DDX10: variants seen among roughly 807,000 people sequenced by gnomAD.
The protein encoded by DDX10 is probable ATP-dependent RNA helicase DDX10.
A neutral mutation model predicts 104.3 loss-of-function variants in DDX10; 74 were observed. The ratio of observed to expected loss-of-function variants is 0.71; its 90% CI spans 0.59 to 0.86. The LOEUF (loss-of-function observed/expected upper bound fraction) is 0.86. Among genes scored for constraint, DDX10 ranks in the 40% least tolerant of loss-of-function variants. The probability of loss-of-function intolerance (pLI) is 0.00; values close to 1 mark genes in which losing one functional copy is unlikely to be tolerated. For missense variants in DDX10, 952 were observed against 1,040.0 expected (o/e 0.92, Z 1.16); for synonymous variants, 351 against 353.4 (o/e 0.99, Z 0.08).
chr11:108,937,160 G>T (rs774315766), intron 17 of DDX10, among the ~76,000 whole-genome samples: 1 of 152,168 alleles, frequency 6.6e-6, no homozygotes, highest in East Asian at 1.9e-4. Flanking sequence ...AGCAAACACC[G>T]TGGAAATGCC....
intron 13 of DDX10, among the ~76,000 whole-genome samples, chr11:108,812,474 C>A (rs1299152218): frequency 6.6e-6 from 1 of 151,976 alleles, no homozygotes; most frequent in Non-Finnish European, 1.5e-5. Flanking sequence ...TCTGATCAAA[C>A]AATTAGATAT....
intron 1 of DDX10, 132 bp downstream of exon 1, chr11:108,665,471 G>C: frequency 9.5e-7 from 1 of 1,053,170 alleles, no homozygotes; most frequent in Non-Finnish European, 1.3e-6. Flanking sequence ...GTCACGCCGG[G>C]TGCCACAGCT....
intron 14 of DDX10, among the ~76,000 whole-genome samples, chr11:108,840,163 G>C (rs986658194): frequency 1.3e-5 from 2 of 152,088 alleles, no homozygotes; most frequent in East Asian, 3.8e-4. Flanking sequence ...CTGATCCCTC[G>C]CATTGCCTCT....
At chr11:108,763,246 T>G (rs1358808973) in intron 13 of DDX10, among the ~76,000 whole-genome samples, 1 of 152,152 alleles carries the variant, frequency 6.6e-6, no homozygotes, top group Admixed American at 6.5e-5. Context: ...TATTGAGAAG[T>G]TGATTGCTCC....
At chr11:108,788,437 A>G (rs1408839828) in intron 13 of DDX10, among the ~76,000 whole-genome samples, 2 of 151,528 alleles carry the variant, frequency 1.3e-5, no homozygotes, top group Admixed American at 6.6e-5. Flanking sequence ...ATCTCGGCTC[A>G]TTGCAAGCTC....
chr11:108,789,712 C>G (rs1198897155), intron 13 of DDX10, among the ~76,000 whole-genome samples: 1 of 152,158 alleles, frequency 6.6e-6, no homozygotes, highest in Admixed American at 6.5e-5. Flanking sequence ...ATGCTTTTCA[C>G]TGCAGGTAAC....
In DDX10 at chr11:108,754,028, T is replaced by A. The variant is rs148451403; in HGVS notation, c.1965+30566T>A. On this transcript the variant is annotated intron_variant, in intron 13 of 17. Transcript: ENST00000322536. ...TAATTTCCTGATTTATCTTTTGCAT[T>A]TAGTGTTGACATCACCTCATTCATT... Among the ~76,000 whole-genome samples, 327 of 152,122 alleles carry A rather than the reference T, an allele frequency of 2.1e-3. 2 individuals are homozygous for A. Among genetic ancestry groups the A allele is most frequent in the African/African-American group, 7.5e-3 (310 of 41,546 alleles).
chr11:108,682,459 C>T (rs1403498695), intron 6 of DDX10, among the ~76,000 whole-genome samples: 1 of 152,202 alleles, frequency 6.6e-6, no homozygotes, highest in Non-Finnish European at 1.5e-5. Context: ...TTTGAGTTAG[C>T]ATTTGCATGG....
chr11:108,879,325 T>C (rs140495259), intron 16 of DDX10, among the ~76,000 whole-genome samples: 44 of 152,292 alleles, frequency 2.9e-4, no homozygotes, highest in African/African-American at 1.1e-3. Flanking sequence ...TTCTAAACAT[T>C]TGGATTCATT....
At chr11:108,904,307 G>A (rs1863561227) in intron 16 of DDX10, among the ~76,000 whole-genome samples, 1 of 152,214 alleles carries the variant, frequency 6.6e-6, no homozygotes, top group Non-Finnish European at 1.5e-5. Context: ...CCATTCAGTG[G>A]TATCAAGGTG....
At chr11:108,729,642 A>G (rs2094309629) in intron 13 of DDX10, among the ~76,000 whole-genome samples, 1 of 151,884 alleles carries the variant, frequency 6.6e-6, no homozygotes, top group Non-Finnish European at 1.5e-5. Flanking sequence ...TTTGTACTTA[A>G]TAACTCACTT....
chr11:108,672,452 G>A (rs1446949622), intron 1 of DDX10, among the ~76,000 whole-genome samples: 2 of 152,194 alleles, frequency 1.3e-5, no homozygotes, highest in East Asian at 3.8e-4. Flanking sequence ...TTCTAATGCT[G>A]GTACACTGAT....
intron 16 of DDX10, among the ~76,000 whole-genome samples, chr11:108,882,769 G>A (rs1461894542): frequency 6.6e-6 from 1 of 152,158 alleles, no homozygotes; most frequent in African/African-American, 2.4e-5. Flanking sequence ...GTGCGTTTCA[G>A]TAATGTGCAA....
chr11:108,797,295 G>A (rs1255630564), intron 13 of DDX10, among the ~76,000 whole-genome samples: 2 of 152,152 alleles, frequency 1.3e-5, no homozygotes, highest in Non-Finnish European at 2.9e-5. Flanking sequence ...GCCTCCCAAA[G>A]TGTTGGGATT....
intron 13 of DDX10, among the ~76,000 whole-genome samples, chr11:108,817,562 C>T (rs987100293): frequency 3.3e-5 from 5 of 152,214 alleles, no homozygotes; most frequent in African/African-American, 9.6e-5. Context: ...CCTTGACATA[C>T]GTGCATATTT....
intron 13 of DDX10, among the ~76,000 whole-genome samples, chr11:108,794,781 A>G (rs1271108813): frequency 1.3e-5 from 2 of 151,114 alleles, no homozygotes; most frequent in Non-Finnish European, 2.9e-5. Context: ...AAGGACTTCT[A>G]CACCTATGTT....
Position 108,878,314 on chromosome 11 carries a change from C to T in DDX10, c.2304+26105C>T, listed in dbSNP as rs536546281. The stretch of plus-strand genomic sequence containing the variant: ...CACTGAAGTATCCTCTTGTGAAGAA[C>T]GAGTTGCCTCAGTGAACTGGAGATT... On this transcript the variant is annotated intron_variant, in intron 16 of 17. Coordinates refer to ENST00000322536, the MANE Select transcript of DDX10 (RefSeq NM_004398.4). Among the ~76,000 whole-genome samples the T allele has an allele frequency of 9.2e-5, 14 of 152,282 alleles. No homozygotes were observed. In the South Asian group the frequency reaches 2.3e-3, roughly 25 times the overall value.
Position 108,820,616 on chromosome 11 carries a change from C to T in DDX10, c.1966-17830C>T, listed in dbSNP as rs144229239. 3.8e-3 allele frequency among the ~76,000 whole-genome samples: 580 copies of T among 152,320 alleles called. 3 individuals are homozygous for T. Among genetic ancestry groups the T allele is most frequent in the Admixed American group, 7.0e-3 (107 of 15,296 alleles). ...GCCTGCAGTCATCTGAGAAATTAAG[C>T]CGTCAGGCACGTGGAGACTTTGAGG... On this transcript the variant is annotated intron_variant, in intron 13 of 17. Transcript: ENST00000322536.
intron 13 of DDX10, among the ~76,000 whole-genome samples, chr11:108,765,953 T>A (rs1015984249): frequency 2.0e-5 from 3 of 152,202 alleles, no homozygotes; most frequent in Non-Finnish European, 4.4e-5. Context: ...GAATCATAGG[T>A]GCCTACAAAA....
Sources: gnomAD v4.1 joint callset for allele counts (sites outside exome capture counted in the v4.1 genomes callset) on GRCh38, gnomAD v4.1.1 for gene constraint, MANE v1.5 for transcripts, NCBI Gene and HGNC (gene_info 2026-07-23, HGNC 2026-07-21) for gene names.